Variants in ANO6 observed in about 807,000 individuals in gnomAD.
ANO6 encodes anoctamin-6.
Under a neutral mutation model 117.5 loss-of-function variants are expected in ANO6, and 106 were observed. That is an observed-to-expected ratio of 0.90 (90% CI 0.77 to 1.06). The LOEUF is 1.06. Ranked by LOEUF, ANO6 falls within the 50% of genes least tolerant of loss-of-function variation. The probability of loss-of-function intolerance (pLI) is 0.00; values close to 1 mark genes in which losing one functional copy is unlikely to be tolerated. For synonymous variants in ANO6, 367 were observed against 385.1 expected, an observed-to-expected ratio of 0.95 and a Z score of 0.55; for missense variants, 955 against 1,121.1, an observed-to-expected ratio of 0.85 and a Z score of 2.12.
intron 1 of ANO6, chr12:45,292,757 GT>G (rs1939143954): frequency 7.0e-7 from 1 of 1,432,190 alleles, no homozygotes. Flanking sequence ...ACATGGAAAT[GT>G]TACAAGGTGG....
rs557578397 is a variant in ANO6 at position 45,229,818 on chromosome 12, G to T, written c.70+13427G>T. On this transcript the variant is annotated intron_variant, in intron 1 of 19. Coordinates refer to ENST00000320560, the MANE Select transcript of ANO6 (RefSeq NM_001025356.3). ...TAGACAGATTTGAGTTCAAATTCTG[G>T]CCTAGACATTCATCAGCCATGTGAC... 5.3e-5 allele frequency among the ~76,000 whole-genome samples: 8 copies of T among 152,072 alleles called. No individual in the cohort carries two copies. The South Asian group carries it at 1.7e-3, about 32-fold the overall frequency.
intron 1 of ANO6, among the ~76,000 whole-genome samples, chr12:45,274,973 C>T (rs1478433883): frequency 6.6e-6 from 1 of 151,552 alleles, no homozygotes; most frequent in Non-Finnish European, 1.5e-5. Flanking sequence ...GTCTTCAAAA[C>T]ATTTATCTCC....
At chr12:45,331,537 C>T in intron 3 of ANO6, 114 bp downstream of exon 3, 2 of 1,022,634 alleles carry the variant, frequency 2.0e-6, no homozygotes, top group South Asian at 3.6e-5. Flanking sequence ...ATACACAAAA[C>T]AGTTTCATAT....
At position 45,432,327 on chromosome 12, in the gene ANO6, A is replaced by C; in HGVS notation, c.*3016A>C. Reference sequence around the variant, plus strand: ...ATTCTTTTATAATTATGAGCATTTTAATAAATTCATTTTTACAAACAATAG... The same window carrying C: ...ATTCTTTTATAATTATGAGCATTTTCATAAATTCATTTTTACAAACAATAG... On this transcript the variant is annotated 3_prime_UTR_variant, in exon 20 of 20. Coordinates refer to ENST00000320560, the MANE Select transcript of ANO6 (RefSeq NM_001025356.3). 1 of 872,490 alleles carries C rather than the reference A, an allele frequency of 1.1e-6. No homozygotes were observed. The allele number at this position is 872,490 out of a possible 1,614,324, so 54.0% of individuals were successfully genotyped here. A position where few individuals can be genotyped will look rare whatever the true frequency, so the allele number is the denominator to read the frequency against.
At chr12:45,416,341 C>G (rs567953126) in intron 16 of ANO6, among the ~76,000 whole-genome samples, 3 of 151,044 alleles carry the variant, frequency 2.0e-5, no homozygotes, top group African/African-American at 7.3e-5. Context: ...AAAAAAAATC[C>G]TAAACCACAA....
intron 2 of ANO6, among the ~76,000 whole-genome samples, chr12:45,323,164 C>T (rs1353640391): frequency 6.6e-6 from 1 of 152,192 alleles, no homozygotes; most frequent in East Asian, 1.9e-4. Context: ...AATTTAATCG[C>T]TCTTAACATA....
At chr12:45,424,947 TAAAA>T (rs35933311) in intron 19 of ANO6, among the ~76,000 whole-genome samples, 3 of 147,556 alleles carry the variant, frequency 2.0e-5, no homozygotes, top group Admixed American at 6.8e-5. Context: ...AGAGGTGATT[TAAAA>T]AAAAAACAAA....
At chr12:45,423,554 G>A (rs1337476182) in intron 19 of ANO6, among the ~76,000 whole-genome samples, 1 of 152,138 alleles carries the variant, frequency 6.6e-6, no homozygotes, top group East Asian at 1.9e-4. Context: ...AATTGGTATG[G>A]TAGATAGGAT....
intron 10 of ANO6, among the ~76,000 whole-genome samples, chr12:45,380,612 A>G (rs540377213): frequency 6.6e-6 from 1 of 152,330 alleles, no homozygotes; most frequent in South Asian, 2.1e-4. Context: ...GATGCTTCTG[A>G]GAGGCATTTT....
At chr12:45,414,358 A>G (rs1168217537) in intron 16 of ANO6, among the ~76,000 whole-genome samples, 1 of 152,124 alleles carries the variant, frequency 6.6e-6, no homozygotes, top group Non-Finnish European at 1.5e-5. Flanking sequence ...ATATCAGAAC[A>G]AATTATATGG....
intron 16 of ANO6, among the ~76,000 whole-genome samples, chr12:45,410,697 A>T (rs1360430930): frequency 6.6e-6 from 1 of 152,220 alleles, no homozygotes; most frequent in Non-Finnish European, 1.5e-5. Context: ...CTTTGCATTT[A>T]TGCACAGGGC....
chr12:45,346,122 C>T (rs1941125343), intron 3 of ANO6, among the ~76,000 whole-genome samples: 1 of 152,170 alleles, frequency 6.6e-6, no homozygotes, highest in Non-Finnish European at 1.5e-5. Flanking sequence ...GTAGGCCCCA[C>T]CTCTCAACAC....
chr12:45,312,164 G>A (rs1939869581), intron 2 of ANO6, among the ~76,000 whole-genome samples: 1 of 152,014 alleles, frequency 6.6e-6, no homozygotes, highest in South Asian at 2.1e-4. Context: ...AGGAAAGCAG[G>A]GAGCCCTGGA....
At position 45,395,242 on chromosome 12, in the gene ANO6, A is replaced by G. The variant is rs188376020; in HGVS notation, c.1386+4744A>G. ...ATGCAAATAAACCAGAAAATCTACA[A>G]GAAATGGATAAATTCCTGGACACAT... On this transcript the variant is annotated intron_variant, in intron 12 of 19. Transcript: ENST00000320560. Among the ~76,000 whole-genome samples, 9 of 152,354 alleles carry G rather than the reference A, an allele frequency of 5.9e-5. No individual in the cohort carries two copies. In the East Asian group the frequency reaches 1.3e-3, roughly 23 times the overall value.
At chr12:45,320,901 T>G (rs1333304932) in intron 2 of ANO6, among the ~76,000 whole-genome samples, 1 of 152,194 alleles carries the variant, frequency 6.6e-6, no homozygotes, top group East Asian at 1.9e-4. Flanking sequence ...TTGATCTTTG[T>G]TGGTTTAAAG....
At chr12:45,403,627 ACATAGCTG>A (rs1010312392) in intron 15 of ANO6, 91 bp downstream of exon 15, 21 of 954,206 alleles carry the variant, frequency 2.2e-5, no homozygotes, top group African/African-American at 6.7e-5. Flanking sequence ...CCACATAGCC[ACATAGCTG>A]CATGTCCACC....
intron 12 of ANO6, among the ~76,000 whole-genome samples, chr12:45,397,281 C>G (rs2137610584): frequency 6.6e-6 from 1 of 152,280 alleles, no homozygotes; most frequent in South Asian, 2.1e-4. Flanking sequence ...GTCAGAACCA[C>G]CATGAGATAC....
intron 2 of ANO6, among the ~76,000 whole-genome samples, chr12:45,315,303 G>A (rs141642641): frequency 2.6e-4 from 40 of 152,134 alleles, no homozygotes; most frequent in African/African-American, 9.6e-4. Flanking sequence ...CCACTGTAGA[G>A]GGAGTATTCT....
intron 5 of ANO6, 43 bp downstream of exon 5, chr12:45,348,358 G>T: frequency 6.2e-7 from 1 of 1,612,896 alleles, no homozygotes; most frequent in South Asian, 1.1e-5. Context: ...GGGTAATTTG[G>T]AACCTGCTGT....
Sources: allele counts gnomAD v4.1 joint callset (sites outside exome capture counted in the v4.1 genomes callset), GRCh38; gene constraint gnomAD v4.1.1; transcripts MANE v1.5; gene names NCBI Gene and HGNC (gene_info 2026-07-23, HGNC 2026-07-21).